The following RBPJ variants were observed in gnomAD, a reference collection of about 807,000 sequenced individuals.
RBPJ encodes recombining binding protein suppressor of hairless.
In RBPJ, 9 loss-of-function variants were observed where a neutral mutation model predicts 67.8. The observed-to-expected ratio is 0.13, with a 90% CI of 0.08 to 0.23. RBPJ has a LOEUF of 0.23. Among genes scored for constraint, RBPJ ranks in the 10% least tolerant of loss-of-function variants. The pLI, the probability that RBPJ is intolerant of heterozygous loss-of-function variation, is 1.00. For missense variants in RBPJ, 305 were observed against 595.6 expected (o/e 0.51, Z 5.08); for synonymous variants, 198 against 203.3 (o/e 0.97, Z 0.22).
At chr4:26,207,269 A>T (rs1718203280) in intron 1 of RBPJ, among the ~76,000 whole-genome samples, 1 of 152,110 alleles carries the variant, frequency 6.6e-6, no homozygotes, top group Non-Finnish European at 1.5e-5. Flanking sequence ...CGGGTTTAGG[A>T]TGGAGAACCA....
chr4:26,112,860 G>A, the RBPJ span: 1 of 149,426 alleles, frequency 6.7e-6, no homozygotes, highest in East Asian at 2.0e-4. Flanking sequence ...TCAGGTTCAA[G>A]CGATTCTCTT....
chr4:26,157,344 G>C, the RBPJ span, among the ~76,000 whole-genome samples: 1 of 151,982 alleles, frequency 6.6e-6, no homozygotes, highest in African/African-American at 2.4e-5. Context: ...GAAGCAGAAG[G>C]ATCACTCAAG....
In RBPJ at chr4:26,191,240, GATAGAGAGAGAGAGA is replaced by G. The variant is rs1243208067; in HGVS notation, c.-167+27627_-167+27641del. Among the ~76,000 whole-genome samples, 599 of 100,092 alleles carry G rather than the reference GATAGAGAGAGAGAGA, an allele frequency of 6.0e-3. 8 individuals carry two copies. The highest frequency in any genetic ancestry group is 0.022 in the African/African-American group (567 of 26,268). 65.7% of individuals were successfully genotyped at this position (100,092 alleles called of 152,430 possible). On this transcript the variant is annotated intron_variant, in intron 1 of 4. Transcript: ENST00000512351. ...AGAGAGAGAGAGAGAGAGAGAGAGA[GATAGAGAGAGAGAGA>G]GGGAGAGAGGGAGAGAGAGATCGTA... is the stretch of plus-strand genomic sequence containing the variant.
intron 1 of RBPJ, among the ~76,000 whole-genome samples, chr4:26,352,566 G>T (rs183521285): frequency 6.6e-6 from 1 of 152,208 alleles, no homozygotes; most frequent in East Asian, 1.9e-4. Context: ...TTGGGAGGCC[G>T]AGGTGGGTGC....
chr4:26,164,752 G>A (rs1270018274), intron 1 of RBPJ, among the ~76,000 whole-genome samples: 1 of 152,132 alleles, frequency 6.6e-6, no homozygotes, highest in Non-Finnish European at 1.5e-5. Context: ...TGCACAAAAA[G>A]AGTTAAAAAT....
At chr4:26,318,507 G>C (rs1018714842), upstream of RBPJ, among the ~76,000 whole-genome samples, 1 of 152,306 alleles carries the variant, frequency 6.6e-6, no homozygotes, top group Middle Eastern at 3.4e-3. Context: ...ATATTAGTGG[G>C]AGGAAAAAAC....
intron 1 of RBPJ, among the ~76,000 whole-genome samples, chr4:26,330,652 T>TC (rs1000064839): frequency 3.9e-5 from 6 of 152,216 alleles, no homozygotes; most frequent in Non-Finnish European, 8.8e-5. Context: ...AAAGCACATT[T>TC]CCCCATCTCT....
rs558105072 is a variant in RBPJ at position 26,415,921 on chromosome 4, ATTTAGGAGGCTGAT to A, written c.321+283_321+296del. Among the ~76,000 whole-genome samples, 22 of 152,300 alleles carry A rather than the reference ATTTAGGAGGCTGAT, an allele frequency of 1.4e-4. 1 individual carries two copies. The South Asian group carries it at 4.6e-3, about 32-fold the overall frequency. ...GATTTCTATTGGAAGCCAGTAATAAATTTAGGAGGCTGATTGCTCATCTTCTGTTTGACAGAGGT... is the reference window on the plus strand; with the variant it reads ...GATTTCTATTGGAAGCCAGTAATAAATGCTCATCTTCTGTTTGACAGAGGT... On this transcript the variant is annotated intron_variant, in intron 4 of 10. Coordinates refer to ENST00000355476, the MANE Select transcript of RBPJ (RefSeq NM_015874.6).
intron 2 of RBPJ, among the ~76,000 whole-genome samples, chr4:26,396,404 G>A (rs1467482707): frequency 6.6e-6 from 1 of 152,228 alleles, no homozygotes; most frequent in African/African-American, 2.4e-5. Flanking sequence ...TGATCCCTGG[G>A]ATTCGAAGAG....
At chr4:26,221,903 G>C (rs1718920760) in intron 1 of RBPJ, among the ~76,000 whole-genome samples, 1 of 152,206 alleles carries the variant, frequency 6.6e-6, no homozygotes, top group African/African-American at 2.4e-5. Context: ...GTGCGGCCCA[G>C]CGCTGAACGA....
At chr4:26,366,705 C>G (rs576935109) in intron 1 of RBPJ, among the ~76,000 whole-genome samples, 1 of 152,080 alleles carries the variant, frequency 6.6e-6, no homozygotes, top group African/African-American at 2.4e-5. Flanking sequence ...CAGGCATGAG[C>G]CACCGCCCCC....
intron 1 of RBPJ, among the ~76,000 whole-genome samples, chr4:26,183,883 G>A (rs1029362309): frequency 2.0e-5 from 3 of 152,066 alleles, no homozygotes; most frequent in African/African-American, 7.2e-5. Context: ...ACGGAGGCAC[G>A]CACCTGTAGT....
In RBPJ at chr4:26,282,207, A is replaced by G. The variant is rs146280369; in HGVS notation, c.-166-80239A>G. Reference sequence around the variant, plus strand: ...CATCTAAAAAGGAATTTTGCTATTGATAGTAGGATCATGTCACCAAGCAAA... The same window carrying G: ...CATCTAAAAAGGAATTTTGCTATTGGTAGTAGGATCATGTCACCAAGCAAA... On this transcript the variant is annotated intron_variant, in intron 1 of 4. Transcript: ENST00000512351. 3.0e-3 allele frequency among the ~76,000 whole-genome samples: 412 copies of G among 138,614 alleles called. 2 individuals carry two copies. The highest frequency in any genetic ancestry group is 3.2e-3 in the Non-Finnish European group (212 of 66,212). The allele number at this position is 138,614 out of a possible 152,430, so 90.9% of individuals were successfully genotyped here.
chr4:26,350,318 G>T (rs1261779873), intron 1 of RBPJ, among the ~76,000 whole-genome samples: 1 of 151,806 alleles, frequency 6.6e-6, no homozygotes, highest in African/African-American at 2.4e-5. Flanking sequence ...ACAGCTTTTT[G>T]TGTGCTTATT....
At chr4:26,314,425 T>G (rs557793187) in intron 1 of RBPJ, among the ~76,000 whole-genome samples, 95 of 152,312 alleles carry the variant, frequency 6.2e-4, no homozygotes, top group African/African-American at 2.2e-3. Flanking sequence ...TCTGATATGC[T>G]TTGGATCTGT....
chr4:26,340,201 G>C (rs1043053774), intron 1 of RBPJ, among the ~76,000 whole-genome samples: 13 of 152,176 alleles, frequency 8.5e-5, no homozygotes, highest in African/African-American at 2.9e-4. Context: ...GGAATAAAAA[G>C]CAGGCAAGAT....
rs544526888 is a variant in RBPJ at position 26,363,342 on chromosome 4, A to G, written c.21-23011A>G. On this transcript the variant is annotated intron_variant, in intron 1 of 10. Coordinates refer to ENST00000355476, the MANE Select transcript of RBPJ (RefSeq NM_015874.6). ...TTTAGTAGAGACAGGGTTTCACCAT[A>G]TTGGCCAGGCCGGTCTCGAACTCCT... Among the ~76,000 whole-genome samples, 13 of 152,106 alleles carry G rather than the reference A, an allele frequency of 8.5e-5. No individual in the cohort carries two copies. The South Asian group carries it at 2.5e-3, about 29-fold the overall frequency.
At chr4:26,362,272 C>T (rs1039059110) in intron 1 of RBPJ, among the ~76,000 whole-genome samples, 1 of 152,136 alleles carries the variant, frequency 6.6e-6, no homozygotes, top group African/African-American at 2.4e-5. Context: ...CTCGATAAAG[C>T]AAGGACTGTC....
At chr4:26,227,534 G>A (rs921376462) in intron 1 of RBPJ, among the ~76,000 whole-genome samples, 1 of 151,996 alleles carries the variant, frequency 6.6e-6, no homozygotes, top group African/African-American at 2.4e-5. Context: ...TCTATATGAA[G>A]ATCTAAGTGA....
Sources: gnomAD v4.1 joint callset for allele counts (sites outside exome capture counted in the v4.1 genomes callset) on GRCh38, gnomAD v4.1.1 for gene constraint, MANE v1.5 for transcripts, NCBI Gene and HGNC (gene_info 2026-07-23, HGNC 2026-07-21) for gene names.